Variants in SLC6A5 observed in about 807,000 individuals in gnomAD.
SLC6A5 encodes solute carrier family 6 member 5.
A neutral mutation model predicts 90.5 loss-of-function variants in SLC6A5; 58 were observed. The observed-to-expected ratio is 0.64, with a 90% CI of 0.52 to 0.80. The LOEUF is 0.80. Among genes scored for constraint, SLC6A5 ranks in the 30% least tolerant of loss-of-function variants. SLC6A5 has a pLI of 0.00. For synonymous variants in SLC6A5, 427 were observed against 401.4 expected, an observed-to-expected ratio of 1.06 and a Z score of -0.76; for missense variants, 1,015 against 1,017.6, an observed-to-expected ratio of 1.00 and a Z score of 0.03.
At position 20,654,848 on chromosome 11, in the gene SLC6A5, GA is replaced by G. The variant is rs1853612496; in HGVS notation, c.2376del (p.Glu792AspfsTer26). 1 of 1,614,060 alleles carries G rather than the reference GA, an allele frequency of 6.2e-7. No individual in the cohort carries two copies. Among genetic ancestry groups the G allele is most frequent in the Admixed American group, 1.7e-5 (1 of 60,002 alleles). ...ACTCAAACTGCCAGTGAAGGATTTG[GA>G]ACTGGGCACTCAGTGCTAGTCCAGT... ...LGLKLPVKDL[E>X]LGTQC On this transcript the variant is annotated frameshift_variant, in exon 16 of 16. Coordinates refer to ENST00000525748, the MANE Select transcript of SLC6A5 (RefSeq NM_004211.5). LOFTEE classifies it high-confidence loss of function.
chr11:20,650,451 C>T (rs140884857), intron 14 of SLC6A5, among the ~76,000 whole-genome samples: 1 of 152,236 alleles, frequency 6.6e-6, no homozygotes, highest in East Asian at 1.9e-4. Context: ...CATGACCTCT[C>T]TTAAAATCAA....
Position 20,614,911 on chromosome 11 carries a change from C to A in SLC6A5, c.1127+91C>A, listed in dbSNP as rs550737059. ...ATTTGCAGACCAGAGGTGTGGGTAG[C>A]CCAAGGGATGAGATCAGAGAGGAAG... On this transcript the variant is annotated intron_variant, in intron 6 of 15. Transcript: ENST00000525748. The A allele has an allele frequency of 6.4e-6, 8 of 1,254,938 alleles. No individual in the cohort carries two copies. In the Admixed American group the frequency reaches 1.2e-4, roughly 18 times the overall value. The allele number at this position is 1,254,938 out of a possible 1,614,324, so 77.7% of individuals were successfully genotyped here. A position where few individuals can be genotyped will look rare whatever the true frequency, so the allele number is the denominator to read the frequency against.
chr11:20,617,645 G>C, intron 6 of SLC6A5, 107 bp from the exon 7 acceptor site: 1 of 970,746 alleles, frequency 1.0e-6, no homozygotes, highest in Non-Finnish European at 1.7e-6. Context: ...GGATGCTGGG[G>C]TTTTGTGCAA....
chr11:20,607,477 A>C lies in SLC6A5; in HGVS notation c.812-2A>C. On this transcript the variant is annotated splice_acceptor_variant, in intron 4 of 15. Coordinates refer to ENST00000525748, the MANE Select transcript of SLC6A5 (RefSeq NM_004211.5). LOFTEE classifies it high-confidence loss of function. Reference sequence around the variant, plus strand: ...GAACCCCTGGAATTTTTGCTTCTGCAGGCTGTGGCATCGCGATGCTGATCA... The same window carrying C: ...GAACCCCTGGAATTTTTGCTTCTGCCGGCTGTGGCATCGCGATGCTGATCA... 6.2e-7 allele frequency: 1 copy of C among 1,614,168 alleles called. No homozygotes were observed. Among genetic ancestry groups the C allele is most frequent in the Non-Finnish European group, 8.5e-7 (1 of 1,180,012 alleles).
intron 13 of SLC6A5, among the ~76,000 whole-genome samples, chr11:20,643,602 G>C (rs1246962610): frequency 6.6e-6 from 1 of 152,206 alleles, no homozygotes; most frequent in African/African-American, 2.4e-5. Context: ...TGAGTCAGTA[G>C]AAGAACTGGG....
intron 3 of SLC6A5, among the ~76,000 whole-genome samples, chr11:20,605,101 T>C (rs935307531): frequency 5.9e-5 from 9 of 152,172 alleles, no homozygotes; most frequent in African/African-American, 1.9e-4. Context: ...TGCTCCCTTG[T>C]ACCTCTTCTG....
Position 20,651,985 on chromosome 11 carries a change from T to C in SLC6A5, c.2071-304T>C, listed in dbSNP as rs1715295. Among the ~76,000 whole-genome samples the C allele has an allele frequency of 0.86, 130,892 of 152,106 alleles. 56,469 individuals carry two copies. The highest frequency in any genetic ancestry group is 0.99 in the East Asian group (5,133 of 5,162). On this transcript the variant is annotated intron_variant, in intron 14 of 15. Coordinates refer to ENST00000525748, the MANE Select transcript of SLC6A5 (RefSeq NM_004211.5). ...TATCACCCCTGCCCACCTCTGCCTA[T>C]TTGTGACCTTGGTATGTATCCTTTA...
rs1253978533 is a variant in SLC6A5, at chr11:20,657,760, T to A, written c.*2892T>A. 6.6e-6 allele frequency: 1 copy of A among 152,204 alleles called. No individual in the cohort carries two copies. Among genetic ancestry groups the A allele is most frequent in the East Asian group, 1.9e-4 (1 of 5,204 alleles). The allele number at this position is 152,204 out of a possible 1,614,324, so 9.4% of individuals were successfully genotyped here. The stretch of plus-strand genomic sequence containing the variant: ...AAACTCATTCAGAAAAAAAGCCATA[T>A]GTGAAAAACAGTAATCCTGTCATAT... On this transcript the variant is annotated 3_prime_UTR_variant, in exon 16 of 16. Coordinates refer to ENST00000525748, the MANE Select transcript of SLC6A5 (RefSeq NM_004211.5).
chr11:20,617,729 C>G (rs755325395), intron 6 of SLC6A5, 23 bp from the exon 7 acceptor site: 17 of 1,610,402 alleles, frequency 1.1e-5, no homozygotes, highest in East Asian at 6.7e-5. Flanking sequence ...ATCACTCCCC[C>G]CATCCCTCCC....
intron 6 of SLC6A5, 54 bp from the exon 7 acceptor site, chr11:20,617,698 C>T: frequency 6.5e-7 from 1 of 1,548,800 alleles, no homozygotes; most frequent in Non-Finnish European, 8.9e-7. Flanking sequence ...CTGCCTGTCA[C>T]CTCCCTCTCT....
chr11:20,643,782 C>G (rs1047303475), intron 13 of SLC6A5, among the ~76,000 whole-genome samples: 46 of 152,158 alleles, frequency 3.0e-4, no homozygotes, highest in African/African-American at 1.1e-3. Flanking sequence ...CATACTGTTC[C>G]CAGCACAGGC....
intron 14 of SLC6A5, 106 bp from the exon 15 acceptor site, chr11:20,652,183 A>G: frequency 2.9e-6 from 3 of 1,031,496 alleles, no homozygotes; most frequent in South Asian, 2.5e-5. Flanking sequence ...TGGGTATAGA[A>G]TAATAGAGAC....
In SLC6A5 at chr11:20,655,860, ACT is replaced by A. The variant is rs1051089637; in HGVS notation, c.*995_*996del. 2 of 152,156 alleles carry A rather than the reference ACT, an allele frequency of 1.3e-5. No individual in the cohort carries two copies. The highest frequency in any genetic ancestry group is 1.9e-4 in the East Asian group (1 of 5,166). The allele number at this position is 152,156 out of a possible 1,614,324, so 9.4% of individuals were successfully genotyped here. A position where few individuals can be genotyped will look rare whatever the true frequency, so the allele number is the denominator to read the frequency against. ...AAAGACAGATAACTTCTTAATTTTTACTCTTTTTCATTCACAGTAAATGCCAA... is the reference window on the plus strand; with the variant it reads ...AAAGACAGATAACTTCTTAATTTTTACTTTTTCATTCACAGTAAATGCCAA... On this transcript the variant is annotated 3_prime_UTR_variant, in exon 16 of 16. Transcript: ENST00000525748.
chr11:20,601,453 G>A lies in SLC6A5; in HGVS notation c.328G>A (p.Gly110Arg), dbSNP rs1047520534. 5.6e-6 allele frequency: 9 copies of A among 1,609,208 alleles called. No individual in the cohort carries two copies. Among genetic ancestry groups the A allele is most frequent in the Non-Finnish European group, 7.6e-6 (9 of 1,177,928 alleles). The change falls in exon 2 of 16, where the codon GGG becomes AGG. Residue 110 changes from glycine to arginine, a missense_variant. Around this residue, in one of 3 missense-constraint regions of SLC6A5, gnomAD observed 567 missense variants for 507.3 expected, o/e 1.12. Transcript: ENST00000525748. ...AQGAQASPPP[G>R]SSGPGNALHC... is the part of the protein sequence containing the mutation. ...AGGCGCGCAGGCCTCGCCCCCTCCC[G>A]GGAGCTCCGGGCCCGGCAACGCGCT... is the stretch of plus-strand genomic sequence containing the variant.
Position 20,626,701 on chromosome 11 carries a change from T to C in SLC6A5, c.1261-7T>C. The C allele has an allele frequency of 6.2e-7, 1 of 1,613,938 alleles. No homozygotes were observed. Among genetic ancestry groups the C allele is most frequent in the East Asian group, 2.2e-5 (1 of 44,878 alleles). ...TCTTCCAGCCCCTCTGCCCATGGCT[T>C]TTCTAGGTGGTGTACTTCACGGCCA... On this transcript the variant is annotated splice_region_variant and splice_polypyrimidine_tract_variant and intron_variant, in intron 7 of 15. Transcript: ENST00000525748.
chr11:20,643,984 G>C (rs764270022), intron 13 of SLC6A5, among the ~76,000 whole-genome samples: 9 of 152,068 alleles, frequency 5.9e-5, no homozygotes, highest in Non-Finnish European at 1.3e-4. Flanking sequence ...CTGGAGTGGA[G>C]TTTTTTGAGT....
At chr11:20,652,052 C>T (rs2133824742) in intron 14 of SLC6A5, among the ~76,000 whole-genome samples, 1 of 151,904 alleles carries the variant, frequency 6.6e-6, no homozygotes, top group East Asian at 1.9e-4. Flanking sequence ...CACATGCACA[C>T]ATATTGCTCC....
At position 20,633,150 on chromosome 11, in the gene SLC6A5, T is replaced by C. The variant is rs1441158890; in HGVS notation, c.1624+2335T>C. 4.6e-5 allele frequency among the ~76,000 whole-genome samples: 7 copies of C among 152,186 alleles called. No individual in the cohort carries two copies. In the South Asian group the frequency reaches 1.2e-3, roughly 27 times the overall value. On this transcript the variant is annotated intron_variant, in intron 10 of 15. Transcript: ENST00000525748. ...TTACCACCTATGGAGCGGTGACTCA[T>C]GTTCAGAATCTATCCTGAAGCCAAA...
rs960380159 is a variant in SLC6A5 at position 20,655,699 on chromosome 11, GT to G, written c.*833del. On this transcript the variant is annotated 3_prime_UTR_variant, in exon 16 of 16. Transcript: ENST00000525748. ...TTTCTACATGATATTTAGCACCATGGTTCAATGTCACGATCCTGTGTTTCTT... is the reference window on the plus strand; with the variant it reads ...TTTCTACATGATATTTAGCACCATGGTCAATGTCACGATCCTGTGTTTCTT... 9 of 152,130 alleles carry G rather than the reference GT, an allele frequency of 5.9e-5. No individual in the cohort carries two copies. The highest frequency in any genetic ancestry group is 1.5e-5 in the Non-Finnish European group (1 of 68,044). The allele number at this position is 152,130 out of a possible 1,614,324, so 9.4% of individuals were successfully genotyped here. A position where few individuals can be genotyped will look rare whatever the true frequency, so the allele number is the denominator to read the frequency against.
Sources: gnomAD v4.1 joint callset for allele counts (sites outside exome capture counted in the v4.1 genomes callset) on GRCh38, gnomAD v4.1.1 for gene constraint, gnomAD v4.1.1 regional missense constraint, MANE v1.5 for transcripts, NCBI Gene and HGNC (gene_info 2026-07-23, HGNC 2026-07-21) for gene names.